The following PRKCD variants were observed in gnomAD, a reference collection of about 807,000 sequenced individuals.
PRKCD encodes protein kinase C delta.
In PRKCD, 20 loss-of-function variants were observed where a neutral mutation model predicts 82.2. The ratio of observed to expected loss-of-function variants is 0.24; its 90% CI spans 0.17 to 0.35. The LOEUF (loss-of-function observed/expected upper bound fraction) is 0.35, where lower values mean the gene tolerates loss of function less well. Among genes scored for constraint, PRKCD ranks in the 10% least tolerant of loss-of-function variants. The pLI, the probability that PRKCD is intolerant of heterozygous loss-of-function variation, is 1.00. For synonymous variants in PRKCD, 317 were observed against 337.0 expected (o/e 0.94, Z 0.65); for missense variants, 607 against 899.0 (o/e 0.68, Z 4.15).
chr3:53,173,322 G>C (rs1305814452), intron 2 of PRKCD, among the ~76,000 whole-genome samples: 1 of 152,158 alleles, frequency 6.6e-6, no homozygotes, highest in South Asian at 2.1e-4. Context: ...GGTACTGGCT[G>C]GGAACAGGTT....
Position 53,192,252 on chromosome 3 carries a change from C to T in PRKCD, c.2017C>T (p.Leu673Phe), listed in dbSNP as rs1553671112. 4 of 1,613,976 alleles carry T rather than the reference C, an allele frequency of 2.5e-6. No individual in the cohort carries two copies. The highest frequency in any genetic ancestry group is 1.6e-4 in the Middle Eastern group (1 of 6,084). ...CTTTGTGAACCCCAAATTCGAGCAC[C>T]TCCTGGAAGATTGAGGTTCCTGGAC... ...FSFVNPKFEH[L>F]LED is the part of the protein sequence containing the mutation. Residue 673 changes from leucine (L) to phenylalanine (F), a missense_variant, in exon 19 of 19, where the codon CTC becomes TTC. Physicochemically the swap from Leu to Phe is conservative, Grantham distance 22. This residue lies in a region of PRKCD where 251 missense variants were observed against 423.9 expected (regional missense o/e 0.59). Coordinates refer to ENST00000330452, the MANE Select transcript of PRKCD (RefSeq NM_006254.4).
chr3:53,191,062 A>G (rs1338713650), intron 18 of PRKCD, among the ~76,000 whole-genome samples: 2 of 152,186 alleles, frequency 1.3e-5, no homozygotes, highest in Non-Finnish European at 1.5e-5. Context: ...TTAATCTGCC[A>G]GTTTTCAAAA....
At chr3:53,185,883 G>A in intron 11 of PRKCD, 44 bp from the exon 12 acceptor site, 2 of 1,605,862 alleles carry the variant, frequency 1.2e-6, no homozygotes, top group Non-Finnish European at 1.7e-6. Context: ...GGGGAGTTGT[G>A]TAGACTGAGA....
Position 53,187,578 on chromosome 3 carries a change from C to T in PRKCD, c.1415+176C>T, listed in dbSNP as rs139650835. Among the ~76,000 whole-genome samples, 599 of 152,300 alleles carry T rather than the reference C, an allele frequency of 3.9e-3. 2 individuals are homozygous for T. Among genetic ancestry groups the T allele is most frequent in the African/African-American group, 0.013 (559 of 41,558 alleles). On this transcript the variant is annotated intron_variant, in intron 15 of 18. Coordinates refer to ENST00000330452, the MANE Select transcript of PRKCD (RefSeq NM_006254.4). The stretch of plus-strand genomic sequence containing the variant: ...CTGGTGTTAGCATTCCTGTGGCCAC[C>T]ATTTGAGGCTGGCTCAGCTTCAGGA...
At chr3:53,184,333 TCAA>T (rs147569297) in intron 9 of PRKCD, among the ~76,000 whole-genome samples, 14,954 of 144,074 alleles carry the variant, frequency 0.1, 1,340 homozygotes, top group African/African-American at 0.24. Flanking sequence ...AGACTCCGTC[TCAA>T]CAACAACAAC....
intron 14 of PRKCD, 79 bp downstream of exon 14, chr3:53,186,774 C>T: frequency 7.3e-7 from 1 of 1,374,906 alleles, no homozygotes; most frequent in Non-Finnish European, 1.0e-6. Context: ...AGTCTGCCCT[C>T]CATGCCTTCT....
intron 1 of PRKCD, among the ~76,000 whole-genome samples, chr3:53,163,191 A>G (rs1702731914): frequency 6.6e-6 from 1 of 151,682 alleles, no homozygotes; most frequent in Admixed American, 6.6e-5. Flanking sequence ...TAAGCCTGGG[A>G]GTGTGTGGCC....
At chr3:53,186,054 T>C (rs782089057) in intron 12 of PRKCD, 27 bp downstream of exon 12, 2 of 1,613,214 alleles carry the variant, frequency 1.2e-6, no homozygotes, top group South Asian at 1.1e-5. Flanking sequence ...GGGCACCTGC[T>C]TCCCACCCCA....
rs781864780 is a variant in PRKCD at position 53,186,612 on chromosome 3, G to A, written c.1269G>A (p.Leu423=). ...CACCCTTCCCACCCCAGGACCACCTGTTCTTTGTGATGGAGTTCCTCAACG... is the reference window on the plus strand; with the variant it reads ...CACCCTTCCCACCCCAGGACCACCTATTCTTTGTGATGGAGTTCCTCAACG... ...LICTFQTKDH[L]FFVMEFLNGG... The change falls in exon 14 of 19, where the codon CTG becomes CTA. Residue 423 remains leucine, a synonymous_variant. Transcript: ENST00000330452. 5 of 1,613,110 alleles carry A rather than the reference G, an allele frequency of 3.1e-6. No individual in the cohort carries two copies. The highest frequency in any genetic ancestry group is 3.4e-6 in the Non-Finnish European group (4 of 1,179,370).
intron 10 of PRKCD, 141 bp from the exon 11 acceptor site, chr3:53,185,463 C>G: frequency 1.4e-6 from 1 of 700,208 alleles, no homozygotes; most frequent in Non-Finnish European, 2.5e-6. Flanking sequence ...GTACACGCAG[C>G]CCGAGTAGGG....
At position 53,188,814 on chromosome 3, in the gene PRKCD, C is replaced by T. The variant is rs1553670057; in HGVS notation, c.1510C>T (p.Arg504Trp). The T allele has an allele frequency of 3.1e-6, 5 of 1,614,040 alleles. No homozygotes were observed. The highest frequency in any genetic ancestry group is 3.3e-5 in the Admixed American group (2 of 60,004). Residue 504 changes from arginine to tryptophan, a missense_variant, in exon 16 of 19, where the codon CGG (arginine) becomes TGG (tryptophan). Physicochemically the swap from Arg to Trp is moderately radical, Grantham distance 101. This residue lies in a region of PRKCD where 251 missense variants were observed against 423.9 expected (regional missense o/e 0.59). Transcript: ENST00000330452. ...MCKENIFGES[R>W]ASTFCGTPDY... is the part of the protein sequence containing the mutation. ...CAAAGAGAACATATTCGGGGAGAGC[C>T]GGGCCAGCACCTTCTGCGGCACCCC...
chr3:53,185,573 A>G, intron 10 of PRKCD, 31 bp from the exon 11 acceptor site: 1 of 1,588,882 alleles, frequency 6.3e-7, no homozygotes, highest in Non-Finnish European at 8.6e-7. Flanking sequence ...TGGTCTGACC[A>G]TCTGGCCCCC....
intron 7 of PRKCD, among the ~76,000 whole-genome samples, chr3:53,182,153 C>T (rs573737594): frequency 2.6e-4 from 39 of 152,172 alleles, no homozygotes; most frequent in Non-Finnish European, 3.4e-4. Context: ...GGTGTATACA[C>T]GAGGCGCCGC....
intron 2 of PRKCD, among the ~76,000 whole-genome samples, chr3:53,177,939 T>C (rs561696779): frequency 6.6e-4 from 73 of 110,158 alleles, no homozygotes; most frequent in Non-Finnish European, 1.3e-3. Flanking sequence ...TTTTTCTTTT[T>C]CTTTTTCTTT....
At chr3:53,170,028 T>C (rs1553664568) in intron 2 of PRKCD, among the ~76,000 whole-genome samples, 2 of 152,206 alleles carry the variant, frequency 1.3e-5, no homozygotes, top group East Asian at 3.8e-4. Flanking sequence ...GGAAGCATCA[T>C]GTGGATCCTG....
chr3:53,166,048 C>T (rs1702821526), intron 2 of PRKCD, among the ~76,000 whole-genome samples: 1 of 152,108 alleles, frequency 6.6e-6, no homozygotes, highest in Non-Finnish European at 1.5e-5. Flanking sequence ...TAGCAAAGAC[C>T]GTCTTTCCTC....
chr3:53,182,346 G>A (rs965738159), intron 7 of PRKCD, among the ~76,000 whole-genome samples: 2 of 151,826 alleles, frequency 1.3e-5, no homozygotes, highest in Non-Finnish European at 2.9e-5. Context: ...TCAGCTCACT[G>A]TAACCTCCCT....
chr3:53,183,134 C>T lies in PRKCD; in HGVS notation c.585C>T (p.Ala195=). 2 of 1,614,226 alleles carry T rather than the reference C, an allele frequency of 1.2e-6. No individual in the cohort carries two copies. Among genetic ancestry groups the T allele is most frequent in the Non-Finnish European group, 1.7e-6 (2 of 1,180,038 alleles). The change falls in exon 8 of 19, where the codon GCC becomes GCT. Residue 195 remains alanine (A), a synonymous_variant. Coordinates refer to ENST00000330452, the MANE Select transcript of PRKCD (RefSeq NM_006254.4). ...TGCCTCTTCAAGAATGTAACGCTGC[C>T]ATCCACAAGAAATGCATCGACAAGA... ...QGYKCRQCNA[A]IHKKCIDKII...
chr3:53,185,658 G>T lies in PRKCD; in HGVS notation c.943G>T (p.Gly315Cys). Reference sequence around the variant, plus strand: ...CTCAGAGCCTGTTGGGATATATCAGGGTTTCGAGAAGAAGACCGGAGTTGC... The same window carrying T: ...CTCAGAGCCTGTTGGGATATATCAGTGTTTCGAGAAGAAGACCGGAGTTGC... ...ASSEPVGIYQ[G>C]FEKKTGVAGE... Residue 315 changes from glycine (G) to cysteine (C), a missense_variant, in exon 11 of 19, where the codon GGT (glycine) becomes TGT (cysteine). Transcript: ENST00000330452. The T allele has an allele frequency of 6.2e-7, 1 of 1,612,978 alleles. No individual in the cohort carries two copies. Among genetic ancestry groups the T allele is most frequent in the Non-Finnish European group, 8.5e-7 (1 of 1,180,012 alleles).
Sources: gnomAD v4.1 joint callset for allele counts (sites outside exome capture counted in the v4.1 genomes callset) on GRCh38, gnomAD v4.1.1 for gene constraint, gnomAD v4.1.1 regional missense constraint, MANE v1.5 for transcripts, NCBI Gene and HGNC (gene_info 2026-07-23, HGNC 2026-07-21) for gene names.